Variants in FBLN2 observed in about 807,000 individuals in gnomAD.
FBLN2 encodes the protein fibulin-2.
In FBLN2, 81 loss-of-function variants were observed where a neutral mutation model predicts 123.7. The ratio of observed to expected loss-of-function variants is 0.65; its 90% CI spans 0.55 to 0.79. FBLN2 has a LOEUF of 0.79. Ranked by LOEUF, FBLN2 falls within the 30% of genes least tolerant of loss-of-function variation. The pLI, the probability that FBLN2 is intolerant of heterozygous loss-of-function variation, is 0.00. For synonymous variants in FBLN2, 699 were observed against 701.4 expected (o/e 1.00, Z 0.05); for missense variants, 1,603 against 1,681.3 (o/e 0.95, Z 0.81).
At chr3:13,614,523 C>G (rs1440560513) in intron 5 of FBLN2, among the ~76,000 whole-genome samples, 1 of 152,052 alleles carries the variant, frequency 6.6e-6, no homozygotes, top group Non-Finnish European at 1.5e-5. Flanking sequence ...TCTTGTCCAT[C>G]TCTCCATCCA....
chr3:13,636,470 C>G lies in FBLN2; in HGVS notation c.3240C>G (p.Thr1080=). 1 of 1,613,700 alleles carries G rather than the reference C, an allele frequency of 6.2e-7. No homozygotes were observed. Among genetic ancestry groups the G allele is most frequent in the Non-Finnish European group, 8.5e-7 (1 of 1,179,792 alleles). The change falls in exon 17 of 18, where the codon ACC becomes ACG. Residue 1080 remains threonine, a synonymous_variant. Transcript: ENST00000404922. ...ACGTGGATGAGTGTGCACTGGGTAC[C>G]CACAACTGTTCCGAGGCTGAGACCT... ...CKDVDECALG[T]HNCSEAETCH... is the part of the protein sequence containing the mutation.
intron 3 of FBLN2, among the ~76,000 whole-genome samples, 155 bp from the exon 4 acceptor site, chr3:13,609,358 A>G (rs1431292322): frequency 1.3e-5 from 2 of 152,272 alleles, no homozygotes; most frequent in African/African-American, 4.8e-5. Flanking sequence ...AATGAAACCC[A>G]TGCAACCCAG....
intron 2 of FBLN2, among the ~76,000 whole-genome samples, chr3:13,584,550 AGGGGAGACT>A (rs1199320307): frequency 1.3e-5 from 2 of 152,208 alleles, no homozygotes; most frequent in Non-Finnish European, 2.9e-5. Flanking sequence ...CCTGGCCTGC[AGGGGAGACT>A]GGTGAGAGCC....
At chr3:13,622,673 C>G (rs1243094184) in intron 9 of FBLN2, among the ~76,000 whole-genome samples, 2 of 152,250 alleles carry the variant, frequency 1.3e-5, no homozygotes, top group Non-Finnish European at 2.9e-5. Flanking sequence ...TCCTTCTCCT[C>G]TCTTAGGCCC....
chr3:13,609,679 T>C (rs762764167), intron 4 of FBLN2, 37 bp downstream of exon 4: 10 of 80,260 alleles, frequency 1.2e-4, no homozygotes, highest in Non-Finnish European at 2.0e-4. Context: ...CAGGGTGGGG[T>C]GGGGCGGGGC....
Position 13,629,060 on chromosome 3 carries a change from C to G in FBLN2, c.2713+12C>G. 1 of 1,612,844 alleles carries G rather than the reference C, an allele frequency of 6.2e-7. No individual in the cohort carries two copies. Among genetic ancestry groups the G allele is most frequent in the East Asian group, 2.2e-5 (1 of 44,864 alleles). Reference sequence around the variant, plus strand: ...GACCAAGTGTGTGGGTAAGGCCAGCCGCCTCCGCCCTGCCAGCCAGCCCGG... The same window carrying G: ...GACCAAGTGTGTGGGTAAGGCCAGCGGCCTCCGCCCTGCCAGCCAGCCCGG... On this transcript the variant is annotated intron_variant, in intron 12 of 17. Coordinates refer to ENST00000404922, the MANE Select transcript of FBLN2 (RefSeq NM_001004019.2).
At position 13,571,088 on chromosome 3, in the gene FBLN2, C is replaced by A. The variant is rs753743138; in HGVS notation, c.733C>A (p.Pro245Thr). The A allele has an allele frequency of 1.2e-5, 18 of 1,552,990 alleles. No individual in the cohort carries two copies. Among genetic ancestry groups the A allele is most frequent in the South Asian group, 2.4e-5 (2 of 84,270 alleles). ...GSQPLSTIQAPPWPAVLPRPT... is the reference protein window; with the variant it reads ...GSQPLSTIQATPWPAVLPRPT... ...TCAGCCACTGTCCACCATCCAGGCA[C>A]CCCCCTGGCCAGCTGTCCTCCCCAG... The change falls in exon 2 of 18, where the codon CCC (proline) becomes ACC (threonine). Residue 245 changes from proline to threonine, a missense_variant. Transcript: ENST00000404922.
At chr3:13,587,521 A>G (rs1288836271) in intron 2 of FBLN2, among the ~76,000 whole-genome samples, 1 of 152,136 alleles carries the variant, frequency 6.6e-6, no homozygotes, top group African/African-American at 2.4e-5. Context: ...TGTAAACCAA[A>G]AATAAAATTC....
chr3:13,609,673 GTGGGGTGGGGC>G, intron 4 of FBLN2, 31 bp downstream of exon 4: 4 of 1,532,888 alleles, frequency 2.6e-6, no homozygotes, highest in Non-Finnish European at 2.6e-6. Context: ...TCAAGGCAGG[GTGGGGTGGGGC>G]GGGGCGGGAG....
intron 2 of FBLN2, among the ~76,000 whole-genome samples, chr3:13,600,895 C>T (rs113402681): frequency 0.038 from 5,801 of 152,274 alleles, 127 homozygotes; most frequent in East Asian, 0.067. Context: ...GGATTACAGG[C>T]GTGAGCCACT....
chr3:13,617,992 C>T (rs998633539), intron 5 of FBLN2, 84 bp from the exon 6 acceptor site: 22 of 1,223,128 alleles, frequency 1.8e-5, no homozygotes, highest in Non-Finnish European at 2.4e-5. Flanking sequence ...TGATGAGGAC[C>T]TGCACTAGTT....
chr3:13,610,235 G>T (rs1374506766), intron 4 of FBLN2, among the ~76,000 whole-genome samples: 2 of 152,208 alleles, frequency 1.3e-5, no homozygotes, highest in Non-Finnish European at 2.9e-5. Context: ...AGTGCATCGA[G>T]TGACAGGGGG....
Position 13,621,860 on chromosome 3 carries a change from CCA to C in FBLN2, c.2246_2247del (p.Thr749SerfsTer50). On this transcript the variant is annotated frameshift_variant, in exon 9 of 18. Coordinates refer to ENST00000404922, the MANE Select transcript of FBLN2 (RefSeq NM_001004019.2). LOFTEE classifies it high-confidence loss of function. ...NTLGSFYCVN[H>X]TVLCADGYIL... Reference sequence around the variant, plus strand: ...CCCTGGGATCCTTCTACTGTGTCAACCACACAGTGCTCTGTGCCGATGGCTAT... The same window carrying C: ...CCCTGGGATCCTTCTACTGTGTCAACCACAGTGCTCTGTGCCGATGGCTAT... 1 of 1,613,866 alleles carries C rather than the reference CCA, an allele frequency of 6.2e-7. No homozygotes were observed. Among genetic ancestry groups the C allele is most frequent in the Non-Finnish European group, 8.5e-7 (1 of 1,179,758 alleles).
rs372795461 is a variant in FBLN2 at position 13,598,102 on chromosome 3, C to T, written c.1307-9960C>T. 2.4e-3 allele frequency among the ~76,000 whole-genome samples: 367 copies of T among 152,324 alleles called. 1 individual carries two copies. Among genetic ancestry groups the T allele is most frequent in the Non-Finnish European group, 3.9e-3 (265 of 68,028 alleles). ...CAGAGGAAAGAGGAGGCAGGGTAGGCGTGGCTGAAGGCTGCACCAGCTTCT... is the reference window on the plus strand; with the variant it reads ...CAGAGGAAAGAGGAGGCAGGGTAGGTGTGGCTGAAGGCTGCACCAGCTTCT... On this transcript the variant is annotated intron_variant, in intron 2 of 17. Coordinates refer to ENST00000404922, the MANE Select transcript of FBLN2 (RefSeq NM_001004019.2).
chr3:13,633,648 AG>A (rs1706340577), intron 16 of FBLN2, among the ~76,000 whole-genome samples: 1 of 151,974 alleles, frequency 6.6e-6, no homozygotes, highest in Admixed American at 6.5e-5. Context: ...GGGTGGGGGG[AG>A]GCTGGCTTGG....
chr3:13,613,445 T>A (rs1705469794), intron 4 of FBLN2, among the ~76,000 whole-genome samples: 3 of 152,310 alleles, frequency 2.0e-5, no homozygotes, highest in Admixed American at 2.0e-4. Flanking sequence ...AGGAACCTAG[T>A]CTTCTATTTT....
chr3:13,579,129 G>T (rs930421352), intron 2 of FBLN2, among the ~76,000 whole-genome samples: 1 of 152,162 alleles, frequency 6.6e-6, no homozygotes, highest in Non-Finnish European at 1.5e-5. Context: ...AGTGCACAAG[G>T]GTTCCAGTTT....
intron 2 of FBLN2, among the ~76,000 whole-genome samples, chr3:13,593,624 G>A (rs1433885231): frequency 6.7e-6 from 1 of 150,100 alleles, no homozygotes; most frequent in Non-Finnish European, 1.5e-5. Context: ...TGAGGCGGGA[G>A]AATTGCTTGA....
intron 1 of FBLN2, among the ~76,000 whole-genome samples, chr3:13,551,051 A>G (rs1411438663): frequency 6.6e-6 from 1 of 152,158 alleles, no homozygotes; most frequent in Non-Finnish European, 1.5e-5. Flanking sequence ...GGGATGGGGC[A>G]GGGGCGCTGT....
Sources: gnomAD v4.1 joint callset for allele counts (sites outside exome capture counted in the v4.1 genomes callset) on GRCh38, gnomAD v4.1.1 for gene constraint, MANE v1.5 for transcripts, NCBI Gene and HGNC (gene_info 2026-07-23, HGNC 2026-07-21) for gene names.